The following TLE3 variants were observed in gnomAD, a reference collection of about 807,000 sequenced individuals.
The protein encoded by TLE3 is TLE family member 3, transcriptional corepressor.
In TLE3, 14 loss-of-function variants were observed where a neutral mutation model predicts 93.0. The ratio of observed to expected loss-of-function variants is 0.15; its 90% CI spans 0.10 to 0.24. The LOEUF is 0.24. TLE3 is among the 10% of genes least tolerant of loss of function. TLE3 has a pLI of 1.00. For missense variants in TLE3, 693 were observed against 1,046.6 expected, an observed-to-expected ratio of 0.66 and a Z score of 4.66; for synonymous variants, 451 against 425.0, an observed-to-expected ratio of 1.06 and a Z score of -0.75.
At chr15:70,055,413 C>G in intron 14 of TLE3, 115 bp from the exon 15 acceptor site, 8 of 1,450,734 alleles carry the variant, frequency 5.5e-6, no homozygotes, top group Non-Finnish European at 7.3e-6. Flanking sequence ...CTCTAGCCCC[C>G]TCTGCTCTGA....
chr15:70,065,934 T>C, intron 7 of TLE3, 80 bp downstream of exon 7: 3 of 1,427,210 alleles, frequency 2.1e-6, no homozygotes, highest in Non-Finnish European at 2.9e-6. Context: ...CAGCACTTGC[T>C]GGGTCCACTC....
chr15:70,089,057 G>A (rs1385867002), intron 4 of TLE3, among the ~76,000 whole-genome samples: 5 of 152,152 alleles, frequency 3.3e-5, no homozygotes, highest in South Asian at 2.1e-4. Context: ...TGCAGTCCCC[G>A]CCCCACATCA....
chr15:70,096,085 C>T, intron 2 of TLE3, 76 bp downstream of exon 2: 1 of 1,487,268 alleles, frequency 6.7e-7, no homozygotes, highest in Non-Finnish European at 9.0e-7. Context: ...CCCTCCGTCC[C>T]CGCGGGGGAT....
In TLE3 at chr15:70,060,522, G is replaced by T; in HGVS notation, c.714+8C>A. 1.2e-6 allele frequency: 2 copies of T among 1,613,614 alleles called. No homozygotes were observed. The highest frequency in any genetic ancestry group is 1.7e-6 in the Non-Finnish European group (2 of 1,179,754). ...AACCCCAGTGGTGCCATGGCGCCTT[G>T]GACGTACGTATCGGCTCAAGCTGTC... On this transcript the variant is annotated splice_region_variant and intron_variant, in intron 9 of 19. Transcript: ENST00000451782.
intron 4 of TLE3, among the ~76,000 whole-genome samples, chr15:70,080,916 G>A (rs2141899356): frequency 6.6e-6 from 1 of 152,290 alleles, no homozygotes; most frequent in Non-Finnish European, 1.5e-5. Context: ...TTAGGTGACT[G>A]TGTCCAACAC....
intron 4 of TLE3, 69 bp from the exon 5 acceptor site, chr15:70,076,227 T>A: frequency 1.4e-6 from 2 of 1,459,372 alleles, no homozygotes; most frequent in Non-Finnish European, 1.9e-6. Flanking sequence ...CATAGGCAAG[T>A]GGAAATGCAA....
In TLE3 at chr15:70,066,127, C is replaced by T. The variant is rs375715395; in HGVS notation, c.464G>A (p.Gly155Glu). Reference protein sequence around the residue: ...PPHPSGLQPPGIPPVTGSSSG... With the variant: ...PPHPSGLQPPEIPPVTGSSSG... ...GCTGCTCCCTGTCACTGGGGGGATT[C>T]CTGGAGGCTGGAGACCTGACGGGTG... is the stretch of plus-strand genomic sequence containing the variant. The change falls in exon 7 of 20, where the codon GGA becomes GAA. Residue 155 changes from glycine (G) to glutamate (E), a missense_variant. Gly to Glu is a moderately conservative substitution (Grantham distance 98, BLOSUM62 -2). This residue lies in a region of TLE3 where 405 missense variants were observed against 468.9 expected (regional missense o/e 0.86). Transcript: ENST00000451782. 1.9e-6 allele frequency: 3 copies of T among 1,561,042 alleles called. No homozygotes were observed. Among genetic ancestry groups the T allele is most frequent in the African/African-American group, 2.7e-5 (2 of 73,456 alleles).
At chr15:70,055,754 G>A (rs1303293708) in intron 14 of TLE3, 1 of 195,580 alleles carries the variant, frequency 5.1e-6, no homozygotes, top group East Asian at 1.4e-4. Flanking sequence ...TCAGGCTCTG[G>A]TGGGTGCCCT....
chr15:70,096,423 G>T, intron 1 of TLE3, 162 bp from the exon 2 acceptor site: 1 of 1,297,870 alleles, frequency 7.7e-7, no homozygotes, highest in Non-Finnish European at 1.0e-6. Context: ...GAGGGGGGGC[G>T]CCCCATCTCT....
Position 70,048,814 on chromosome 15 carries a change from C to T in TLE3, c.*1283G>A, listed in dbSNP as rs950785853. 10 of 152,106 alleles carry T rather than the reference C, an allele frequency of 6.6e-5. No homozygotes were observed. Among genetic ancestry groups the T allele is most frequent in the Admixed American group, 1.3e-4 (2 of 15,282 alleles). The allele number at this position is 152,106 out of a possible 1,614,324, so 9.4% of individuals were successfully genotyped here. On this transcript the variant is annotated 3_prime_UTR_variant, in exon 20 of 20. Transcript: ENST00000451782. The stretch of plus-strand genomic sequence containing the variant: ...CCACAGTGTGCCAGGATCTGTGTCC[C>T]CCTCTCCCACCCCCCAACCCCCACT...
At chr15:70,067,636 C>T (rs967831884) in intron 6 of TLE3, among the ~76,000 whole-genome samples, 7 of 152,168 alleles carry the variant, frequency 4.6e-5, no homozygotes, top group Non-Finnish European at 1.0e-4. Context: ...TTCTGGCAAC[C>T]GCGAACAGAT....
Position 70,049,730 on chromosome 15 carries a change from G to A in TLE3, c.*367C>T. The stretch of plus-strand genomic sequence containing the variant: ...CAGCACAACATTGTGGTCCACTCCA[G>A]CACCCCCGACCCAAGGTGAGGGACA... On this transcript the variant is annotated 3_prime_UTR_variant, in exon 20 of 20. Transcript: ENST00000451782. The A allele has an allele frequency of 4.7e-6, 1 of 210,768 alleles. No homozygotes were observed. The highest frequency in any genetic ancestry group is 9.8e-6 in the Non-Finnish European group (1 of 101,646). 13.1% of individuals were successfully genotyped at this position (210,768 alleles called of 1,614,324 possible). A position where few individuals can be genotyped will look rare whatever the true frequency, so the allele number is the denominator to read the frequency against.
chr15:70,072,609 G>A (rs961203897), intron 6 of TLE3, among the ~76,000 whole-genome samples: 2 of 152,218 alleles, frequency 1.3e-5, no homozygotes, highest in African/African-American at 4.8e-5. Flanking sequence ...CTGCGAGTCA[G>A]CCACCTGGGC....
At position 70,055,192 on chromosome 15, in the gene TLE3, T is replaced by G. The variant is rs773242711; in HGVS notation, c.1435A>C (p.Thr479Pro). 1.2e-6 allele frequency: 2 copies of G among 1,614,032 alleles called. No homozygotes were observed. Among genetic ancestry groups the G allele is most frequent in the Non-Finnish European group, 1.7e-6 (2 of 1,179,986 alleles). The change falls in exon 15 of 20, where the codon ACA becomes CCA. Residue 479 changes from threonine to proline, a missense_variant. Around this residue, in one of 4 missense-constraint regions of TLE3, gnomAD observed 405 missense variants for 468.9 expected, o/e 0.86. Coordinates refer to ENST00000451782, the MANE Select transcript of TLE3 (RefSeq NM_001105192.3). The stretch of plus-strand genomic sequence containing the variant: ...CACACCACCTCCCCGTGGCTGAGTG[T>G]GTTGATCTGCCGGGCGTGCCTCGGG... ...GIPRHARQINTLSHGEVVCAV... is the reference protein window; with the variant it reads ...GIPRHARQINPLSHGEVVCAV...
chr15:70,051,760 C>T (rs939959501), intron 18 of TLE3, among the ~76,000 whole-genome samples: 1 of 152,170 alleles, frequency 6.6e-6, no homozygotes, highest in African/African-American at 2.4e-5. Context: ...CTAAGGTTGA[C>T]TGGCCTTTCT....
intron 18 of TLE3, among the ~76,000 whole-genome samples, chr15:70,051,861 G>C (rs530601187): frequency 4.1e-4 from 63 of 152,260 alleles, no homozygotes; most frequent in African/African-American, 1.5e-3. Flanking sequence ...GTCAGTGGGC[G>C]ACCTTCCTCC....
intron 8 of TLE3, among the ~76,000 whole-genome samples, chr15:70,062,940 G>T (rs371796043): frequency 6.6e-6 from 1 of 152,144 alleles, no homozygotes; most frequent in East Asian, 1.9e-4. Context: ...TCCCAGGGGG[G>T]GTCTTTTAGC....
chr15:70,095,776 T>G, intron 2 of TLE3, 135 bp from the exon 3 acceptor site: 1 of 1,070,612 alleles, frequency 9.3e-7, no homozygotes, highest in Non-Finnish European at 1.3e-6. Context: ...TCCCACAGCC[T>G]GGGGACGCGG....
chr15:70,063,756 C>G (rs1416781894), intron 8 of TLE3, among the ~76,000 whole-genome samples: 2 of 152,204 alleles, frequency 1.3e-5, no homozygotes, highest in Admixed American at 1.3e-4. Flanking sequence ...AACCTCGGAG[C>G]CTCAGTGTGA....
Sources: allele counts gnomAD v4.1 joint callset (sites outside exome capture counted in the v4.1 genomes callset), GRCh38; gene constraint gnomAD v4.1.1; regional missense constraint gnomAD v4.1.1; transcripts MANE v1.5; gene names NCBI Gene and HGNC (gene_info 2026-07-23, HGNC 2026-07-21).